The following RBFOX1 variants were observed in gnomAD, a reference collection of about 807,000 sequenced individuals.
RBFOX1 encodes RNA binding fox-1 homolog 1.
RBFOX1 carries 8 observed loss-of-function variants against 57.7 expected under a neutral mutation model. The observed-to-expected ratio is 0.14, with a 90% confidence interval of 0.08 to 0.25. The LOEUF is 0.25. RBFOX1 is among the 10% of genes least tolerant of loss of function. The pLI, the probability that RBFOX1 is intolerant of heterozygous loss-of-function variation, is 1.00. For synonymous variants in RBFOX1, 326 were observed against 222.4 expected (o/e 1.47, Z -4.15); for missense variants, 611 against 548.5 (o/e 1.11, Z -1.14).
At chr16:5,251,348 G>T (rs1482026988) in intron 1 of RBFOX1, among the ~76,000 whole-genome samples, 6 of 152,280 alleles carry the variant, frequency 3.9e-5, no homozygotes, top group African/African-American at 7.2e-5. Context: ...ACTGTTGACA[G>T]CACGTTCACG....
At chr16:7,272,799 G>A (rs1246395740) in intron 4 of RBFOX1, among the ~76,000 whole-genome samples, 4 of 152,092 alleles carry the variant, frequency 2.6e-5, no homozygotes, top group African/African-American at 7.2e-5. Flanking sequence ...CACAGAACCA[G>A]TGACTCTTGT....
At chr16:6,768,513 A>G (rs556234139) in intron 3 of RBFOX1, among the ~76,000 whole-genome samples, 1 of 152,042 alleles carries the variant, frequency 6.6e-6, no homozygotes, top group Non-Finnish European at 1.5e-5. Context: ...ACTACTATGA[A>G]TAGTATCTAT....
Position 5,668,099 on chromosome 16 carries a change from C to T in RBFOX1, c.318+69138C>T, listed in dbSNP as rs182886734. Among the ~76,000 whole-genome samples, 442 of 152,158 alleles carry T rather than the reference C, an allele frequency of 2.9e-3. 8 individuals carry two copies. The highest frequency in any genetic ancestry group is 0.01 in the African/African-American group (424 of 41,534). On this transcript the variant is annotated intron_variant, in intron 3 of 19. Coordinates refer to the RBFOX1 transcript ENST00000641259. ...AATTCAGGACCAACCTGATCAATATCGTGAAACTCTGTCTCTACTAAAAAT... is the reference window on the plus strand; with the variant it reads ...AATTCAGGACCAACCTGATCAATATTGTGAAACTCTGTCTCTACTAAAAAT...
chr16:6,879,500 A>G (rs1370862656), intron 3 of RBFOX1, among the ~76,000 whole-genome samples: 2 of 152,152 alleles, frequency 1.3e-5, no homozygotes, highest in East Asian at 1.9e-4. Flanking sequence ...CTTAATTGCA[A>G]TTTACAAACT....
chr16:6,268,197 C>G (rs751329389), intron 1 of RBFOX1, among the ~76,000 whole-genome samples: 53 of 152,262 alleles, frequency 3.5e-4, no homozygotes, highest in Non-Finnish European at 6.5e-4. Context: ...TGACAGTTTC[C>G]TCTCCAATTT....
At chr16:5,751,851 T>C (rs1185081630) in intron 3 of RBFOX1, among the ~76,000 whole-genome samples, 2 of 152,260 alleles carry the variant, frequency 1.3e-5, no homozygotes, top group Non-Finnish European at 2.9e-5. Flanking sequence ...TCAACCATTG[T>C]GGAAGACAGT....
At chr16:6,912,924 G>A (rs776178916) in intron 3 of RBFOX1, among the ~76,000 whole-genome samples, 1 of 152,026 alleles carries the variant, frequency 6.6e-6, no homozygotes, top group Admixed American at 6.5e-5. Flanking sequence ...CCAGCCTAGA[G>A]CTCCTTGTTT....
At chr16:5,638,078 G>A (rs1427073954) in intron 3 of RBFOX1, among the ~76,000 whole-genome samples, 1 of 152,180 alleles carries the variant, frequency 6.6e-6, no homozygotes, top group East Asian at 1.9e-4. Context: ...GGCAACAAGA[G>A]ATTAATCTTA....
intron 1 of RBFOX1, among the ~76,000 whole-genome samples, chr16:5,290,208 A>G (rs1356226624): frequency 6.6e-6 from 1 of 152,200 alleles, no homozygotes; most frequent in Non-Finnish European, 1.5e-5. Flanking sequence ...CTAAAAATAC[A>G]AAGATTAGCT....
chr16:6,678,372 A>C (rs1417944394), intron 3 of RBFOX1, among the ~76,000 whole-genome samples: 1 of 151,480 alleles, frequency 6.6e-6, no homozygotes, highest in Non-Finnish European at 1.5e-5. Flanking sequence ...CATCTACCCA[A>C]CTCAGCCTCC....
intron 1 of RBFOX1, among the ~76,000 whole-genome samples, chr16:6,288,907 C>T (rs1276454599): frequency 1.3e-5 from 2 of 152,090 alleles, no homozygotes; most frequent in African/African-American, 4.8e-5. Flanking sequence ...GACATTAGTT[C>T]TCAAGGCAAT....
At chr16:5,710,489 A>G (rs537333305) in intron 3 of RBFOX1, among the ~76,000 whole-genome samples, 66 of 152,240 alleles carry the variant, frequency 4.3e-4, no homozygotes, top group Non-Finnish European at 7.6e-4. Context: ...ACAAGTCACA[A>G]TGCTGCCCTA....
intron 2 of RBFOX1, among the ~76,000 whole-genome samples, chr16:6,624,449 A>G (rs1012652526): frequency 6.6e-6 from 1 of 152,156 alleles, no homozygotes; most frequent in African/African-American, 2.4e-5. Context: ...GGGATGGTGA[A>G]TCAACCACAG....
In RBFOX1 at chr16:6,822,632, A is replaced by G. The variant is rs186665370; in HGVS notation, c.-16+167982A>G. Among the ~76,000 whole-genome samples the G allele has an allele frequency of 4.3e-3, 653 of 152,294 alleles. 7 individuals are homozygous for G. The highest frequency in any genetic ancestry group is 0.015 in the African/African-American group (627 of 41,558). On this transcript the variant is annotated intron_variant, in intron 3 of 15. Coordinates refer to ENST00000550418, the MANE Select transcript of RBFOX1 (RefSeq NM_018723.4). ...AGTTATGGCAGATGAAGCTGCTCAT[A>G]AGGTATGAGGTTAGACAACCCCATG...
intron 4 of RBFOX1, among the ~76,000 whole-genome samples, chr16:7,356,406 G>T (rs965027811): frequency 1.3e-5 from 2 of 152,178 alleles, no homozygotes; most frequent in Non-Finnish European, 2.9e-5. Context: ...CTAAAGAAAA[G>T]AACTGAAAGC....
At chr16:7,123,526 G>T (rs1490469970) in intron 4 of RBFOX1, among the ~76,000 whole-genome samples, 1 of 151,924 alleles carries the variant, frequency 6.6e-6, no homozygotes, top group Non-Finnish European at 1.5e-5. Context: ...CAACATAATT[G>T]GCTAATTCTT....
chr16:5,469,302 T>G (rs1416739190), intron 2 of RBFOX1, among the ~76,000 whole-genome samples: 3 of 152,266 alleles, frequency 2.0e-5, no homozygotes, highest in Admixed American at 1.3e-4. Context: ...ACAAGTCATT[T>G]CAGGACTAGT....
intron 1 of RBFOX1, among the ~76,000 whole-genome samples, chr16:6,070,576 A>T (rs59199540): frequency 0.14 from 21,398 of 152,106 alleles, 2,212 homozygotes; most frequent in East Asian, 0.35. Context: ...ATGATACAAA[A>T]CAGCCCGAAG....
intron 4 of RBFOX1, among the ~76,000 whole-genome samples, chr16:7,249,162 G>A (rs1000302345): frequency 6.6e-6 from 1 of 152,190 alleles, no homozygotes; most frequent in Admixed American, 6.5e-5. Flanking sequence ...TGGGGGTTAG[G>A]TGGTATCACC....
Sources: gnomAD v4.1 joint callset for allele counts (sites outside exome capture counted in the v4.1 genomes callset) on GRCh38, gnomAD v4.1.1 for gene constraint, MANE v1.5 for transcripts, NCBI Gene and HGNC (gene_info 2026-07-23, HGNC 2026-07-21) for gene names.